Variants in NGLY1 observed in about 807,000 individuals in gnomAD.
NGLY1 encodes the protein peptide-N(4)-(N-acetyl-beta-glucosaminyl)asparagine amidase.
Under a neutral mutation model 84.6 loss-of-function variants are expected in NGLY1, and 68 were observed. The observed-to-expected ratio is 0.80, with a 90% CI of 0.66 to 0.98. The LOEUF (loss-of-function observed/expected upper bound fraction) is 0.98, where lower values mean the gene tolerates loss of function less well. NGLY1 is among the 50% of genes least tolerant of loss of function. NGLY1 has a pLI of 0.00. For missense variants in NGLY1, 779 were observed against 770.2 expected (o/e 1.01, Z -0.14); for synonymous variants, 280 against 275.2 (o/e 1.02, Z -0.17).
chr3:25,768,769 C>G (rs919811522), intron 2 of NGLY1, among the ~76,000 whole-genome samples: 2 of 151,590 alleles, frequency 1.3e-5, no homozygotes, highest in African/African-American at 2.4e-5. Flanking sequence ...GTCTCAAACT[C>G]CTGACCTCAT....
intron 5 of NGLY1, among the ~76,000 whole-genome samples, chr3:25,738,583 TTTC>T (rs1382540199): frequency 6.6e-6 from 1 of 152,150 alleles, no homozygotes; most frequent in Non-Finnish European, 1.5e-5. Flanking sequence ...TAACCAAGCA[TTTC>T]TTAAGCTAAA....
intron 4 of NGLY1, chr3:25,749,538 C>G: frequency 1.3e-6 from 2 of 1,583,478 alleles, no homozygotes; most frequent in Middle Eastern, 1.7e-4. Context: ...AAAAGAGAAC[C>G]AAGAAGTTCA....
At chr3:25,749,049 G>A (rs764151439) in intron 4 of NGLY1, among the ~76,000 whole-genome samples, 7 of 152,080 alleles carry the variant, frequency 4.6e-5, no homozygotes, top group African/African-American at 7.2e-5. Context: ...GTGACATACC[G>A]CTTCATCCCC....
intron 2 of NGLY1, among the ~76,000 whole-genome samples, chr3:25,767,912 C>A (rs1707668834): frequency 1.5e-5 from 1 of 65,642 alleles, no homozygotes; most frequent in Non-Finnish European, 5.2e-5. Flanking sequence ...AGGGAGCTGA[C>A]CAGCCTGCTG....
chr3:25,722,601 T>C (rs891466420), intron 10 of NGLY1, among the ~76,000 whole-genome samples: 5 of 152,186 alleles, frequency 3.3e-5, no homozygotes, highest in Admixed American at 1.3e-4. Context: ...AAGAAAATGT[T>C]CTTAAACTAC....
Position 25,783,278 on chromosome 3 carries a change from T to C in NGLY1, c.113A>G (p.Tyr38Cys), listed in dbSNP as rs1708505147. 1.2e-6 allele frequency: 2 copies of C among 1,606,666 alleles called. No individual in the cohort carries two copies. The highest frequency in any genetic ancestry group is 1.1e-5 in the South Asian group (1 of 90,860). The change falls in exon 1 of 12, where the codon TAT becomes TGT. Residue 38 changes from tyrosine to cysteine, a missense_variant. Transcript: ENST00000280700. This position sits in a 1 kb window ranked among gnomAD's most constrained non-coding sequence, Gnocchi z 4.5. The stretch of plus-strand genomic sequence containing the variant: ...CCTGCACCTGAGGATGTTGTCAGCA[T>C]AGGTGAGCAGCAGCTTGGAGGCCTC... ...FLEASKLLLT[Y>C]ADNILRNPND...
chr3:25,779,021 C>T (rs983729122), intron 1 of NGLY1, among the ~76,000 whole-genome samples: 4 of 149,902 alleles, frequency 2.7e-5, no homozygotes, highest in African/African-American at 9.9e-5. Flanking sequence ...CTACAGCCTC[C>T]ACCTCCCAGG....
intron 2 of NGLY1, among the ~76,000 whole-genome samples, chr3:25,765,582 C>A (rs1368628660): frequency 1.3e-5 from 2 of 152,172 alleles, no homozygotes; most frequent in East Asian, 3.9e-4. Flanking sequence ...CTACAGGAAT[C>A]AACTGAACAA....
At chr3:25,733,336 A>T (rs1394064675) in intron 8 of NGLY1, among the ~76,000 whole-genome samples, 1 of 152,136 alleles carries the variant, frequency 6.6e-6, no homozygotes, top group African/African-American at 2.4e-5. Context: ...TAGAGTTAAA[A>T]ATTTCAATAC....
intron 2 of NGLY1, among the ~76,000 whole-genome samples, chr3:25,772,242 A>G (rs1414385555): frequency 6.6e-6 from 1 of 152,126 alleles, no homozygotes; most frequent in Non-Finnish European, 1.5e-5. Flanking sequence ...GCTGTCAGTG[A>G]GTATTGAAGT....
intron 4 of NGLY1, among the ~76,000 whole-genome samples, chr3:25,745,721 T>C (rs1326361857): frequency 6.6e-6 from 1 of 152,206 alleles, no homozygotes; most frequent in African/African-American, 2.4e-5. Flanking sequence ...TATTGTGTTT[T>C]AATTTTTCTC....
At chr3:25,784,801 T>G (rs991644561), upstream of NGLY1, among the ~76,000 whole-genome samples, 1 of 152,228 alleles carries the variant, frequency 6.6e-6, no homozygotes, top group Admixed American at 6.5e-5. Context: ...AAGTATGGTG[T>G]GTTCAACAGA....
At chr3:25,721,905 G>A (rs1705013991) in intron 10 of NGLY1, among the ~76,000 whole-genome samples, 1 of 151,234 alleles carries the variant, frequency 6.6e-6, no homozygotes, top group African/African-American at 2.4e-5. Flanking sequence ...CTCTCTGGGG[G>A]CACAGTTTCT....
chr3:25,772,772 G>A (rs116195445), intron 2 of NGLY1, among the ~76,000 whole-genome samples: 1,997 of 152,136 alleles, frequency 0.013, 45 homozygotes, highest in African/African-American at 0.046. Flanking sequence ...TGTATTTCGA[G>A]GTTTTATTTC....
intron 2 of NGLY1, among the ~76,000 whole-genome samples, chr3:25,777,264 G>A (rs985638469): frequency 2.6e-5 from 4 of 151,926 alleles, no homozygotes; most frequent in South Asian, 2.1e-4. Flanking sequence ...GCGTGCTGTC[G>A]TATGCCTTTA....
At chr3:25,723,950 A>C (rs1705133018) in intron 10 of NGLY1, among the ~76,000 whole-genome samples, 1 of 152,176 alleles carries the variant, frequency 6.6e-6, no homozygotes, top group South Asian at 2.1e-4. Context: ...TGTTGTAAGC[A>C]CATATGAGCA....
At chr3:25,762,917 G>C (rs912428023) in intron 3 of NGLY1, among the ~76,000 whole-genome samples, 1 of 152,140 alleles carries the variant, frequency 6.6e-6, no homozygotes, top group African/African-American at 2.4e-5. Context: ...TCGTGCCATT[G>C]CATTCTAGCC....
intron 3 of NGLY1, among the ~76,000 whole-genome samples, chr3:25,752,241 G>A (rs1706793631): frequency 6.6e-6 from 1 of 151,730 alleles, no homozygotes; most frequent in South Asian, 2.1e-4. Context: ...TTATTTTTTT[G>A]AGACAGAGTC....
chr3:25,724,009 A>G (rs907479639), intron 10 of NGLY1, among the ~76,000 whole-genome samples: 4 of 152,232 alleles, frequency 2.6e-5, no homozygotes, highest in Admixed American at 6.5e-5. Flanking sequence ...CGGTTTAGGC[A>G]TAAGCCATAC....
Sources: allele counts gnomAD v4.1 joint callset (sites outside exome capture counted in the v4.1 genomes callset), GRCh38; gene constraint gnomAD v4.1.1; non-coding constraint Gnocchi (gnomAD v3.1); transcripts MANE v1.5; gene names NCBI Gene and HGNC (gene_info 2026-07-23, HGNC 2026-07-21).